Variants in SGK3 observed in about 807,000 individuals in gnomAD.
SGK3 encodes serine/threonine-protein kinase Sgk3.
A neutral mutation model predicts 68.5 loss-of-function variants in SGK3; 47 were observed. That is an observed-to-expected ratio of 0.69 (90% confidence interval 0.54 to 0.87). SGK3 has a LOEUF of 0.87. Among genes scored for constraint, SGK3 ranks in the 40% least tolerant of loss-of-function variants. The pLI, the probability that SGK3 is intolerant of heterozygous loss-of-function variation, is 0.00. For synonymous variants in SGK3, 181 were observed against 189.1 expected (o/e 0.96, Z 0.35); for missense variants, 479 against 575.5 (o/e 0.83, Z 1.72).
intron 6 of SGK3, among the ~76,000 whole-genome samples, chr8:66,825,999 G>A (rs1475243982): frequency 1.3e-5 from 2 of 151,224 alleles, no homozygotes; most frequent in Non-Finnish European, 2.9e-5. Context: ...TTTTGAGATG[G>A]AATCTCTCTG....
At chr8:66,779,598 AT>A (rs1563623076) in intron 1 of SGK3, among the ~76,000 whole-genome samples, 4,508 of 125,040 alleles carry the variant, frequency 0.036, 111 homozygotes, top group African/African-American at 0.06. Context: ...ATATATATAT[AT>A]ATAAAACACA....
At chr8:66,823,840 A>C (rs559164611) in intron 6 of SGK3, among the ~76,000 whole-genome samples, 8 of 152,328 alleles carry the variant, frequency 5.3e-5, no homozygotes, top group African/African-American at 1.9e-4. Context: ...ATTATGTAGC[A>C]ATTAAATTAT....
chr8:66,737,284 TGAA>T (rs1407233670), intron 1 of SGK3: 1 of 151,976 alleles, frequency 6.6e-6, no homozygotes, highest in Non-Finnish European at 1.5e-5. Flanking sequence ...TTTGGGAGGC[TGAA>T]GCAGGAGGAT....
chr8:66,767,610 T>C (rs932787043), intron 1 of SGK3: 3 of 1,368,500 alleles, frequency 2.2e-6, no homozygotes, highest in Non-Finnish European at 3.1e-6. Flanking sequence ...TCTGGTGCTC[T>C]TCAGGCAGGT....
intron 1 of SGK3, among the ~76,000 whole-genome samples, chr8:66,747,319 G>C (rs566555348): frequency 3.9e-5 from 6 of 152,132 alleles, no homozygotes; most frequent in African/African-American, 1.4e-4. Context: ...ATAGAACCAT[G>C]GTTTTTCCAT....
At chr8:66,748,710 A>T (rs943930374) in intron 1 of SGK3, among the ~76,000 whole-genome samples, 26 of 152,144 alleles carry the variant, frequency 1.7e-4, no homozygotes, top group African/African-American at 6.0e-4. Flanking sequence ...TGACAAGTAG[A>T]AGGAGTAGGC....
intron 1 of SGK3, among the ~76,000 whole-genome samples, chr8:66,753,165 C>T (rs1805873625): frequency 6.6e-6 from 1 of 152,104 alleles, no homozygotes; most frequent in Non-Finnish European, 1.5e-5. Context: ...ACAACAATCA[C>T]GAGATAGGTA....
chr8:66,852,221 G>A (rs986122077), intron 16 of SGK3, among the ~76,000 whole-genome samples: 2 of 151,104 alleles, frequency 1.3e-5, no homozygotes, highest in Admixed American at 1.3e-4. Context: ...AAGATCATAG[G>A]TGAATTTATT....
rs139906459 is a variant in SGK3 at position 66,718,418 on chromosome 8, A to G, written c.-122+5585A>G. On this transcript the variant is annotated intron_variant, in intron 1 of 16. Coordinates refer to ENST00000521198, the MANE Select transcript of SGK3 (RefSeq NM_001033578.3). ...TCTATACATGCAGATAAATATATATATGTGTATATATATACACACATATAT... is the reference window on the plus strand; with the variant it reads ...TCTATACATGCAGATAAATATATATGTGTGTATATATATACACACATATAT... Among the ~76,000 whole-genome samples the G allele has an allele frequency of 7.8e-3, 1,183 of 150,794 alleles. 10 individuals carry two copies. Among genetic ancestry groups the G allele is most frequent in the Middle Eastern group, 0.024 (7 of 292 alleles).
intron 1 of SGK3, among the ~76,000 whole-genome samples, chr8:66,735,783 TCAGAATTACATC>T (rs925512107): frequency 2.6e-5 from 4 of 152,192 alleles, no homozygotes; most frequent in African/African-American, 9.7e-5. Flanking sequence ...TCTTAACCCT[TCAGAATTACATC>T]CAAAATATCA....
intron 1 of SGK3, among the ~76,000 whole-genome samples, chr8:66,778,979 G>T (rs1458292110): frequency 6.6e-6 from 1 of 152,024 alleles, no homozygotes; most frequent in African/African-American, 2.4e-5. Context: ...CTGTTTCTTT[G>T]CTTTGTTTCT....
chr8:66,788,606 C>G (rs1807305500), intron 1 of SGK3, among the ~76,000 whole-genome samples: 1 of 152,160 alleles, frequency 6.6e-6, no homozygotes, highest in Non-Finnish European at 1.5e-5. Context: ...AACTGGCAGG[C>G]TCATAGGTTA....
At chr8:66,771,799 A>G (rs1012123251) in intron 1 of SGK3, among the ~76,000 whole-genome samples, 1 of 152,110 alleles carries the variant, frequency 6.6e-6, no homozygotes, top group African/African-American at 2.4e-5. Flanking sequence ...TGGGTATACC[A>G]CTTGTTTGGG....
chr8:66,743,572 C>G (rs1437119301), intron 1 of SGK3, among the ~76,000 whole-genome samples: 1 of 152,176 alleles, frequency 6.6e-6, no homozygotes, highest in Non-Finnish European at 1.5e-5. Context: ...TCTTTTTGCC[C>G]AGGCAATGGC....
chr8:66,846,375 C>A (rs530988325), intron 14 of SGK3, among the ~76,000 whole-genome samples: 78 of 152,232 alleles, frequency 5.1e-4, no homozygotes, highest in African/African-American at 1.8e-3. Flanking sequence ...AGTGCAGTGG[C>A]GCAATCTCAG....
intron 12 of SGK3, 25 bp from the exon 13 acceptor site, chr8:66,840,999 A>T (rs752554471): frequency 1.3e-6 from 2 of 1,517,276 alleles, no homozygotes; most frequent in East Asian, 4.7e-5. Flanking sequence ...GCATTGTTTT[A>T]TCTTACTGCC....
chr8:66,796,618 T>C (rs1394423699), intron 2 of SGK3, among the ~76,000 whole-genome samples: 1 of 152,142 alleles, frequency 6.6e-6, no homozygotes, highest in Admixed American at 6.5e-5. Flanking sequence ...TTTTATACTC[T>C]AGTTTTCATA....
At chr8:66,802,320 C>G (rs992756042) in intron 3 of SGK3, among the ~76,000 whole-genome samples, 7 of 152,140 alleles carry the variant, frequency 4.6e-5, no homozygotes, top group Admixed American at 2.0e-4. Context: ...AGAAAAAAAT[C>G]TCTAGGCATT....
chr8:66,836,253 T>C lies in SGK3; in HGVS notation c.741+179T>C, dbSNP rs117338744. 1.6e-3 allele frequency among the ~76,000 whole-genome samples: 251 copies of C among 152,282 alleles called. 4 individuals carry two copies. In the East Asian group the frequency reaches 0.017, roughly 10 times the overall value. On this transcript the variant is annotated intron_variant, in intron 10 of 16. Coordinates refer to ENST00000521198, the MANE Select transcript of SGK3 (RefSeq NM_001033578.3). ...TTGTAACACAGAGCTTTTAAGCATA[T>C]GGTATAGTTGAGAAGGTTCATAAAA... is the stretch of plus-strand genomic sequence containing the variant.
Sources: gnomAD v4.1 joint callset for allele counts (sites outside exome capture counted in the v4.1 genomes callset) on GRCh38, gnomAD v4.1.1 for gene constraint, MANE v1.5 for transcripts, NCBI Gene and HGNC (gene_info 2026-07-23, HGNC 2026-07-21) for gene names.